The following SLC16A5 variants were observed in gnomAD, a reference collection of about 807,000 sequenced individuals.
SLC16A5 encodes monocarboxylate transporter 6.
Under a neutral mutation model 33.2 loss-of-function variants are expected in SLC16A5, and 29 were observed. The observed-to-expected ratio is 0.87, with a 90% CI of 0.65 to 1.19. The LOEUF (loss-of-function observed/expected upper bound fraction) is 1.19. Ranked by LOEUF, SLC16A5 falls within the 50% of genes most tolerant of loss-of-function variation. The pLI is 0.00. For missense variants in SLC16A5, 606 were observed against 678.2 expected, an observed-to-expected ratio of 0.89 and a Z score of 1.18; for synonymous variants, 248 against 284.1, an observed-to-expected ratio of 0.87 and a Z score of 1.28.
intron 3 of SLC16A5, among the ~76,000 whole-genome samples, 184 bp from the exon 4 acceptor site, chr17:75,097,854 G>A (rs941675809): frequency 2.6e-5 from 4 of 152,210 alleles, no homozygotes; most frequent in African/African-American, 7.2e-5. Context: ...GAGGCACGGA[G>A]AGGGATCAGG....
At position 75,096,364 on chromosome 17, in the gene SLC16A5, A is replaced by G. The variant is rs561300107; in HGVS notation, c.200-1674A>G. Among the ~76,000 whole-genome samples the G allele has an allele frequency of 1.4e-4, 20 of 146,066 alleles. 1 individual carries two copies. The highest frequency in any genetic ancestry group is 6.6e-4 in the South Asian group (3 of 4,572). On this transcript the variant is annotated intron_variant, in intron 3 of 6. Transcript: ENST00000329783. ...CCCCTGTGACTAAGGGCTTTCCCCA[A>G]TGTCAACTTCCCTAAGTCAGGCCAG...
chr17:75,107,046 C>T (rs1568011394), downstream of SLC16A5, among the ~76,000 whole-genome samples: 1 of 151,498 alleles, frequency 6.6e-6, no homozygotes, highest in Non-Finnish European at 1.5e-5. Context: ...TGTGGTGGAT[C>T]ATGCCTGTAA....
At chr17:75,087,520 A>G (rs1318013994), upstream of SLC16A5, among the ~76,000 whole-genome samples, 1 of 152,178 alleles carries the variant, frequency 6.6e-6, no homozygotes, top group Non-Finnish European at 1.5e-5. Context: ...CCTACAAGGG[A>G]CTGCCTGGAC....
chr17:75,091,976 G>A (rs560030189), intron 2 of SLC16A5, among the ~76,000 whole-genome samples: 7 of 152,096 alleles, frequency 4.6e-5, no homozygotes, highest in Admixed American at 2.0e-4. Flanking sequence ...CCTGGGTGGT[G>A]TTGAACTAAG....
chr17:75,103,124 C>T (rs887713511), intron 5 of SLC16A5, among the ~76,000 whole-genome samples: 1 of 152,112 alleles, frequency 6.6e-6, no homozygotes, highest in African/African-American at 2.4e-5. Flanking sequence ...CTCCTGACCT[C>T]GTGATCTGCC....
intron 3 of SLC16A5, among the ~76,000 whole-genome samples, chr17:75,096,623 C>T (rs555987575): frequency 2.6e-5 from 4 of 151,508 alleles, no homozygotes; most frequent in African/African-American, 4.9e-5. Context: ...CTCCACCTCC[C>T]GGGTTCAAGC....
At chr17:75,107,939 A>T (rs2073874860), downstream of SLC16A5, among the ~76,000 whole-genome samples, 1 of 151,686 alleles carries the variant, frequency 6.6e-6, no homozygotes, top group Admixed American at 6.6e-5. Flanking sequence ...ACTGTCTCAG[A>T]AAAAAAATAC....
chr17:75,105,384 G>A (rs1301419162), intron 6 of SLC16A5: 1 of 985,280 alleles, frequency 1.0e-6, no homozygotes. Context: ...CCCGAAGACT[G>A]TTGTGAAAAT....
chr17:75,092,850 T>TGTGTGTGTGTGA (rs1555645060), intron 2 of SLC16A5, among the ~76,000 whole-genome samples: 3 of 150,474 alleles, frequency 2.0e-5, no homozygotes, highest in Non-Finnish European at 3.0e-5. Flanking sequence ...TGTGTGTGTG[T>TGTGTGTGTGTGA]GTGTGTGTGT....
chr17:75,104,445 G>A, intron 6 of SLC16A5: 6 of 1,206,840 alleles, frequency 5.0e-6, no homozygotes, highest in Non-Finnish European at 5.2e-6. Context: ...TTGAGGCGGA[G>A]TTTCACTCTT....
In SLC16A5 at chr17:75,093,829, A is replaced by G. The variant is rs373221154; in HGVS notation, c.193A>G (p.Met65Val). ...CTCCATCCTCACGGCTGTGCTCCAC[A>G]TGGCAGGTGAGCGGCCTAGGGAGGG... The part of the protein sequence containing the change: ...FPSILTAVLH[M>V]AGPLCSILVG... Residue 65 changes from methionine to valine, a missense_variant, in exon 3 of 7, where the codon ATG becomes GTG. Met to Val is a conservative substitution (Grantham distance 21, BLOSUM62 1). Transcript: ENST00000329783. 3.1e-6 allele frequency: 5 copies of G among 1,613,772 alleles called. No individual in the cohort carries two copies. In the African/African-American group the frequency reaches 5.3e-5, roughly 17 times the overall value.
At chr17:75,091,914 C>T (rs1285608348) in intron 2 of SLC16A5, among the ~76,000 whole-genome samples, 1 of 152,038 alleles carries the variant, frequency 6.6e-6, no homozygotes, top group African/African-American at 2.4e-5. Context: ...GGTGAGGGGA[C>T]CTTGGGACTT....
At chr17:75,093,384 C>T (rs2073668519) in intron 2 of SLC16A5, 1 of 1,534,936 alleles carries the variant, frequency 6.5e-7, no homozygotes, top group Middle Eastern at 1.7e-4. Context: ...CACCTCCTGC[C>T]AGGCTGGCTC....
At chr17:75,102,814 C>T (rs774104170) in intron 5 of SLC16A5, among the ~76,000 whole-genome samples, 4 of 152,046 alleles carry the variant, frequency 2.6e-5, no homozygotes, top group Non-Finnish European at 4.4e-5. Flanking sequence ...CTCACTACAA[C>T]CTCTGCCTCC....
intron 6 of SLC16A5, chr17:75,104,459 G>C: frequency 8.7e-7 from 1 of 1,150,684 alleles, no homozygotes; most frequent in African/African-American, 2.1e-5. Context: ...CACTCTTGTT[G>C]CCCAGGCTGG....
chr17:75,093,060 G>A (rs2073664117), intron 2 of SLC16A5, among the ~76,000 whole-genome samples: 1 of 152,016 alleles, frequency 6.6e-6, no homozygotes, highest in East Asian at 1.9e-4. Context: ...CCTAGCACCG[G>A]CCTGCTCACT....
downstream of SLC16A5, among the ~76,000 whole-genome samples, chr17:75,107,720 C>G (rs888109285): frequency 6.6e-6 from 1 of 152,212 alleles, no homozygotes; most frequent in Non-Finnish European, 1.5e-5. Flanking sequence ...GGGTGGATCA[C>G]GAGGTCAGGA....
chr17:75,093,355 T>C, intron 2 of SLC16A5: 1 of 1,508,734 alleles, frequency 6.6e-7, no homozygotes. Flanking sequence ...ATCCCTCCTG[T>C]CCCTCCTGTC....
chr17:75,094,776 G>A (rs1044098031), intron 3 of SLC16A5, among the ~76,000 whole-genome samples: 8 of 152,086 alleles, frequency 5.3e-5, no homozygotes, highest in Admixed American at 2.0e-4. Context: ...TTGCTAAGTG[G>A]GGGTGAGGGA....
Sources: allele counts gnomAD v4.1 joint callset (sites outside exome capture counted in the v4.1 genomes callset), GRCh38; gene constraint gnomAD v4.1.1; transcripts MANE v1.5; gene names NCBI Gene and HGNC (gene_info 2026-07-23, HGNC 2026-07-21).